SPAG16: variants seen among roughly 807,000 people sequenced by gnomAD.
The protein encoded by SPAG16 is sperm-associated antigen 16 protein.
In SPAG16, 86 loss-of-function variants were observed where a neutral mutation model predicts 80.4. The observed-to-expected ratio is 1.07, with a 90% CI of 0.90 to 1.28. SPAG16 has a LOEUF of 1.28. SPAG16 is among the 50% of genes most tolerant of loss of function. The probability of loss-of-function intolerance (pLI) is 0.00; values close to 1 mark genes in which losing one functional copy is unlikely to be tolerated. For missense variants in SPAG16, 870 were observed against 765.3 expected, an observed-to-expected ratio of 1.14 and a Z score of -1.61; for synonymous variants, 294 against 265.9, an observed-to-expected ratio of 1.11 and a Z score of -1.03.
At chr2:213,520,413 C>T (rs906055314) in intron 10 of SPAG16, among the ~76,000 whole-genome samples, 10 of 151,150 alleles carry the variant, frequency 6.6e-5, no homozygotes, top group South Asian at 2.1e-4. Flanking sequence ...GGTGAAACCC[C>T]GTCTCTACTA....
chr2:213,928,644 C>T (rs2106238799), intron 11 of SPAG16, among the ~76,000 whole-genome samples: 2 of 152,294 alleles, frequency 1.3e-5, no homozygotes, highest in East Asian at 3.9e-4. Flanking sequence ...TTCATTCATG[C>T]TTGCATGCAT....
chr2:213,791,398 C>CT (rs66883735), intron 10 of SPAG16, among the ~76,000 whole-genome samples: 295 of 151,880 alleles, frequency 1.9e-3, no homozygotes, highest in Non-Finnish European at 2.8e-3. Context: ...AGTATAACTT[C>CT]TTTTTTTATA....
At chr2:213,729,071 G>A (rs1016800727) in intron 10 of SPAG16, among the ~76,000 whole-genome samples, 1 of 152,060 alleles carries the variant, frequency 6.6e-6, no homozygotes, top group East Asian at 1.9e-4. Flanking sequence ...AGTAAAATAC[G>A]ATTAGGAAAT....
chr2:213,745,695 T>C (rs762129267), intron 10 of SPAG16, among the ~76,000 whole-genome samples: 1 of 152,268 alleles, frequency 6.6e-6, no homozygotes, highest in Non-Finnish European at 1.5e-5. Flanking sequence ...TCCTTATTGG[T>C]ATGTCTTTAG....
At chr2:214,107,018 A>C (rs1427070499) in intron 13 of SPAG16, among the ~76,000 whole-genome samples, 1 of 152,016 alleles carries the variant, frequency 6.6e-6, no homozygotes, top group Non-Finnish European at 1.5e-5. Context: ...CTATACTTTC[A>C]TTCTTGGCTA....
intron 15 of SPAG16, among the ~76,000 whole-genome samples, chr2:214,229,602 G>A (rs1688550283): frequency 6.6e-6 from 1 of 151,522 alleles, no homozygotes; most frequent in Non-Finnish European, 1.5e-5. Flanking sequence ...AAATATTTTA[G>A]AGCATAAAAA....
chr2:213,482,914 C>T (rs1279277375), intron 9 of SPAG16, among the ~76,000 whole-genome samples: 1 of 151,998 alleles, frequency 6.6e-6, no homozygotes, highest in East Asian at 1.9e-4. Context: ...CCATGATTTT[C>T]TGTGTTAAAA....
chr2:213,427,157 TGA>T (rs2069985207), intron 9 of SPAG16, among the ~76,000 whole-genome samples: 1 of 152,146 alleles, frequency 6.6e-6, no homozygotes, highest in South Asian at 2.1e-4. Context: ...GGCACCTGTA[TGA>T]GAAAAAGTTG....
At chr2:214,000,151 G>A (rs929046404) in intron 12 of SPAG16, among the ~76,000 whole-genome samples, 5 of 152,100 alleles carry the variant, frequency 3.3e-5, no homozygotes, top group African/African-American at 1.2e-4. Flanking sequence ...GTTTGGCTCT[G>A]TGTCCCCACC....
At chr2:213,528,494 A>C (rs915958401) in intron 10 of SPAG16, among the ~76,000 whole-genome samples, 4 of 152,130 alleles carry the variant, frequency 2.6e-5, no homozygotes, top group African/African-American at 7.2e-5. Context: ...ATACATTCTA[A>C]TCTTGAATGA....
chr2:213,816,669 C>G (rs1035126228), intron 10 of SPAG16, among the ~76,000 whole-genome samples: 1 of 151,910 alleles, frequency 6.6e-6, no homozygotes, highest in African/African-American at 2.4e-5. Context: ...AAAAAGATAG[C>G]CTTTACACAT....
chr2:214,228,371 T>C (rs1413595891), intron 15 of SPAG16, among the ~76,000 whole-genome samples: 1 of 151,954 alleles, frequency 6.6e-6, no homozygotes, highest in Non-Finnish European at 1.5e-5. Flanking sequence ...TAATTTATCA[T>C]GTTAACATAT....
chr2:213,445,913 G>A (rs2071279822), intron 9 of SPAG16, among the ~76,000 whole-genome samples: 1 of 152,158 alleles, frequency 6.6e-6, no homozygotes, highest in Non-Finnish European at 1.5e-5. Flanking sequence ...AACCCTGAGG[G>A]ACCAGAGAAC....
At chr2:214,388,525 A>G (rs550059214) in intron 15 of SPAG16, among the ~76,000 whole-genome samples, 6 of 152,246 alleles carry the variant, frequency 3.9e-5, no homozygotes, top group Admixed American at 1.3e-4. Flanking sequence ...CTCTGGAATA[A>G]TGCAGAACCA....
intron 15 of SPAG16, among the ~76,000 whole-genome samples, chr2:214,377,662 T>C (rs1037660027): frequency 4.6e-5 from 7 of 152,102 alleles, no homozygotes; most frequent in Non-Finnish European, 8.8e-5. Flanking sequence ...AGTTCTGGGG[T>C]AGTCAAAAGT....
intron 15 of SPAG16, among the ~76,000 whole-genome samples, chr2:214,325,110 A>G (rs1696384266): frequency 1.3e-5 from 2 of 152,250 alleles, no homozygotes; most frequent in African/African-American, 2.4e-5. Flanking sequence ...GATGTTTGTC[A>G]TAAATCAACA....
intron 9 of SPAG16, among the ~76,000 whole-genome samples, chr2:213,379,676 A>T (rs745995517): frequency 3.0e-4 from 45 of 152,176 alleles, no homozygotes; most frequent in Non-Finnish European, 5.3e-4. Flanking sequence ...GTCCAGTATA[A>T]TCAATCTGCC....
intron 1 of SPAG16, among the ~76,000 whole-genome samples, chr2:213,289,891 G>T (rs1182993494): frequency 1.3e-5 from 2 of 152,250 alleles, no homozygotes; most frequent in African/African-American, 4.8e-5. Context: ...CAGTGGAAGA[G>T]ACCAGTGTGT....
chr2:213,425,882 A>ATGGAGTAATAG (rs1417966996), intron 9 of SPAG16, among the ~76,000 whole-genome samples: 2 of 152,194 alleles, frequency 1.3e-5, no homozygotes, highest in East Asian at 3.9e-4. Flanking sequence ...ACAGGGCTCC[A>ATGGAGTAATAG]TGGAGTAATA....
Sources: gnomAD v4.1 joint callset for allele counts (sites outside exome capture counted in the v4.1 genomes callset) on GRCh38, gnomAD v4.1.1 for gene constraint, MANE v1.5 for transcripts, NCBI Gene and HGNC (gene_info 2026-07-23, HGNC 2026-07-21) for gene names.